PLPPR5: variants seen among roughly 807,000 people sequenced by gnomAD.
PLPPR5 encodes phospholipid phosphatase-related protein type 5.
A neutral mutation model predicts 33.9 loss-of-function variants in PLPPR5; 16 were observed. That is an observed-to-expected ratio of 0.47 (90% confidence interval 0.32 to 0.72). The LOEUF (loss-of-function observed/expected upper bound fraction) is 0.72, where lower values mean the gene tolerates loss of function less well. Among genes scored for constraint, PLPPR5 ranks in the 30% least tolerant of loss-of-function variants. The probability of loss-of-function intolerance (pLI) is 0.03; values close to 1 mark genes in which losing one functional copy is unlikely to be tolerated. For synonymous variants in PLPPR5, 163 were observed against 150.3 expected, an observed-to-expected ratio of 1.08 and a Z score of -0.62; for missense variants, 301 against 406.7, an observed-to-expected ratio of 0.74 and a Z score of 2.23.
intron 1 of PLPPR5, among the ~76,000 whole-genome samples, chr1:98,982,014 C>A (rs1420819320): frequency 1.3e-5 from 2 of 152,028 alleles, no homozygotes; most frequent in Non-Finnish European, 2.9e-5. Flanking sequence ...AGGAAAGAAA[C>A]TTTTCTCAAA....
At chr1:98,945,270 ATCTATATGGCT>A (rs1393020765) in intron 3 of PLPPR5, among the ~76,000 whole-genome samples, 2 of 152,232 alleles carry the variant, frequency 1.3e-5, no homozygotes, top group Non-Finnish European at 2.9e-5. Context: ...AATCAAGACT[ATCTATATGGCT>A]TTTAGTGCTT....
At chr1:99,001,298 C>G (rs1228309608) in intron 1 of PLPPR5, among the ~76,000 whole-genome samples, 4 of 151,902 alleles carry the variant, frequency 2.6e-5, no homozygotes, top group Non-Finnish European at 4.4e-5. Flanking sequence ...CCATGCTGGG[C>G]TAATTTTTTG....
chr1:99,001,486 A>G (rs985638532), intron 1 of PLPPR5, among the ~76,000 whole-genome samples: 2 of 151,820 alleles, frequency 1.3e-5, no homozygotes, highest in African/African-American at 4.8e-5. Context: ...ATCCAAATTT[A>G]CTAGACTCGG....
chr1:98,893,988 A>C (rs1648378728), intron 5 of PLPPR5, among the ~76,000 whole-genome samples: 1 of 152,084 alleles, frequency 6.6e-6, no homozygotes. Context: ...ACATACATAT[A>C]GCTTTTTTCA....
intron 5 of PLPPR5, among the ~76,000 whole-genome samples, chr1:98,905,298 C>T (rs1245118162): frequency 6.6e-6 from 1 of 152,120 alleles, no homozygotes; most frequent in Non-Finnish European, 1.5e-5. Context: ...GTATTTATTT[C>T]CTAATTGTAT....
At chr1:98,959,715 CAACTGATAAGATTTTCCA>C (rs780615269) in intron 1 of PLPPR5, among the ~76,000 whole-genome samples, 25 of 152,106 alleles carry the variant, frequency 1.6e-4, no homozygotes, top group Non-Finnish European at 2.4e-4. Context: ...GGAAACAGTT[CAACTGATAAGATTTTCCA>C]AACCTCAATT....
intron 5 of PLPPR5, among the ~76,000 whole-genome samples, chr1:98,911,588 T>C (rs1649150794): frequency 6.6e-6 from 1 of 152,172 alleles, no homozygotes; most frequent in Non-Finnish European, 1.5e-5. Flanking sequence ...TTGGCAATAC[T>C]AGAAAGCTAC....
At chr1:98,916,521 C>T (rs372530712) in intron 4 of PLPPR5, among the ~76,000 whole-genome samples, 7 of 152,242 alleles carry the variant, frequency 4.6e-5, no homozygotes, top group African/African-American at 1.2e-4. Flanking sequence ...GCTTTGCAGC[C>T]TTACAACCTT....
chr1:98,969,754 T>C (rs376864049), intron 1 of PLPPR5, among the ~76,000 whole-genome samples: 54 of 152,108 alleles, frequency 3.6e-4, no homozygotes, highest in African/African-American at 1.2e-3. Context: ...TCTTTCTTTT[T>C]GCTAGTTCAG....
At position 98,891,294 on chromosome 1, in the gene PLPPR5, A is replaced by G. The variant is rs1029261952; in HGVS notation, c.*1778T>C. 2 of 151,974 alleles carry G rather than the reference A, an allele frequency of 1.3e-5. No individual in the cohort carries two copies. Among genetic ancestry groups the G allele is most frequent in the African/African-American group, 4.8e-5 (2 of 41,384 alleles). The allele number at this position is 151,974 out of a possible 1,614,324, so 9.4% of individuals were successfully genotyped here. On this transcript the variant is annotated 3_prime_UTR_variant, in exon 6 of 6. Transcript: ENST00000263177. ...TGATAGAAATGGGCAAATAACATCT[A>G]TTTGGGGAGTAATGGACAATCTTTG...
intron 3 of PLPPR5, among the ~76,000 whole-genome samples, chr1:98,941,994 A>G (rs1481711416): frequency 1.4e-5 from 2 of 145,252 alleles, no homozygotes; most frequent in African/African-American, 2.5e-5. Flanking sequence ...GTATACGTAT[A>G]TATATATATA....
intron 1 of PLPPR5, among the ~76,000 whole-genome samples, chr1:98,968,381 C>T (rs1456862475): frequency 6.6e-6 from 1 of 151,868 alleles, no homozygotes; most frequent in Non-Finnish European, 1.5e-5. Context: ...TTCTAAAATA[C>T]CCATTAGAAT....
chr1:98,933,280 G>C (rs190091337), intron 3 of PLPPR5, among the ~76,000 whole-genome samples: 1 of 151,642 alleles, frequency 6.6e-6, no homozygotes, highest in African/African-American at 2.4e-5. Flanking sequence ...TCAGGAGATC[G>C]AGACCATCCT....
At chr1:98,985,855 T>G (rs909796989) in intron 1 of PLPPR5, among the ~76,000 whole-genome samples, 3 of 152,018 alleles carry the variant, frequency 2.0e-5, no homozygotes, top group Non-Finnish European at 4.4e-5. Flanking sequence ...TTCATGATGT[T>G]TGCACAATGA....
At chr1:98,912,105 A>G (rs936744451) in intron 5 of PLPPR5, among the ~76,000 whole-genome samples, 2 of 152,206 alleles carry the variant, frequency 1.3e-5, no homozygotes, top group African/African-American at 4.8e-5. Flanking sequence ...TTAGTAAGTT[A>G]AACAAGACCT....
In PLPPR5 at chr1:98,973,069, ATTGTTCAG is replaced by A. The variant is rs377565843; in HGVS notation, c.238-16336_238-16329del. The stretch of plus-strand genomic sequence containing the variant: ...GAAGAGACACCTGGATCTTTGACCT[ATTGTTCAG>A]ATATTGAATTAGTCATTTCTGAGCC... On this transcript the variant is annotated intron_variant, in intron 1 of 5. Coordinates refer to ENST00000263177, the MANE Select transcript of PLPPR5 (RefSeq NM_001037317.2). 5.4e-3 allele frequency among the ~76,000 whole-genome samples: 818 copies of A among 152,084 alleles called. 5 individuals are homozygous for A. Among genetic ancestry groups the A allele is most frequent in the African/African-American group, 0.019 (779 of 41,514 alleles).
chr1:98,905,386 CAT>C (rs1648857599), intron 5 of PLPPR5, among the ~76,000 whole-genome samples: 2 of 152,106 alleles, frequency 1.3e-5, no homozygotes, highest in South Asian at 4.1e-4. Flanking sequence ...AACTTTTTGA[CAT>C]GTGTGTTGTT....
intron 3 of PLPPR5, among the ~76,000 whole-genome samples, chr1:98,934,493 C>T (rs1650105993): frequency 6.6e-6 from 1 of 152,048 alleles, no homozygotes. Flanking sequence ...CTCATTTATC[C>T]AGTTTCAAAT....
intron 3 of PLPPR5, among the ~76,000 whole-genome samples, chr1:98,931,165 AAG>A (rs975468085): frequency 6.6e-6 from 1 of 152,166 alleles, no homozygotes; most frequent in Non-Finnish European, 1.5e-5. Context: ...TTATTATAAA[AAG>A]AGTTATTTTT....
Sources: gnomAD v4.1 joint callset for allele counts (sites outside exome capture counted in the v4.1 genomes callset) on GRCh38, gnomAD v4.1.1 for gene constraint, MANE v1.5 for transcripts, NCBI Gene and HGNC (gene_info 2026-07-23, HGNC 2026-07-21) for gene names.